DNA2: variants seen among roughly 807,000 people sequenced by gnomAD.
DNA2 encodes the protein DNA replication helicase/nuclease 2, also known as DNA replication ATP-dependent helicase/nuclease DNA2.
In DNA2, 101 loss-of-function variants were observed where a neutral mutation model predicts 119.1. The ratio of observed to expected loss-of-function variants is 0.85; its 90% CI spans 0.72 to 1.00. The LOEUF is 1.00. DNA2 is among the 50% of genes least tolerant of loss of function. The pLI, the probability that DNA2 is intolerant of heterozygous loss-of-function variation, is 0.00. For synonymous variants in DNA2, 366 were observed against 424.4 expected (o/e 0.86, Z 1.69); for missense variants, 1,121 against 1,255.5 (o/e 0.89, Z 1.62).
intron 18 of DNA2, 134 bp downstream of exon 18, chr10:68,419,665 CAAAA>C: frequency 1.6e-6 from 1 of 631,042 alleles, no homozygotes; most frequent in Non-Finnish European, 2.7e-6. Flanking sequence ...TACATTTTCT[CAAAA>C]TAAAAACAAT....
chr10:68,444,582 G>A (rs1043262279), intron 8 of DNA2, among the ~76,000 whole-genome samples: 2 of 151,594 alleles, frequency 1.3e-5, no homozygotes, highest in African/African-American at 4.8e-5. Context: ...AAATTAGCCG[G>A]GAATGGTAGC....
At chr10:68,471,986 AG>A (rs761147985), upstream of DNA2, 132 of 1,611,496 alleles carry the variant, frequency 8.2e-5, no homozygotes, top group South Asian at 1.4e-3. Flanking sequence ...GCCAACCCGC[AG>A]ATGTCCCAAA....
chr10:68,461,080 AAG>A (rs1012634933), intron 4 of DNA2, among the ~76,000 whole-genome samples: 3 of 152,164 alleles, frequency 2.0e-5, no homozygotes, highest in Non-Finnish European at 4.4e-5. Flanking sequence ...AGAAATGTAA[AAG>A]AGAAAAAAGG....
At chr10:68,424,773 C>A in intron 14 of DNA2, 1 of 1,356,986 alleles carries the variant, frequency 7.4e-7, no homozygotes. Context: ...CAAGGTAGTC[C>A]AGGTGTACAG....
intron 5 of DNA2, among the ~76,000 whole-genome samples, chr10:68,457,421 A>G (rs982203971): frequency 3.3e-5 from 5 of 152,042 alleles, no homozygotes; most frequent in Non-Finnish European, 5.9e-5. Flanking sequence ...CTCAAATGCT[A>G]CCTTATGAGG....
At chr10:68,448,980 TGTGTGTA>T (rs2052081819) in intron 6 of DNA2, among the ~76,000 whole-genome samples, 1 of 142,110 alleles carries the variant, frequency 7.0e-6, no homozygotes. Flanking sequence ...TGTGTGTGTG[TGTGTGTA>T]GTAGTTTCAC....
intron 3 of DNA2, among the ~76,000 whole-genome samples, chr10:68,467,757 A>G (rs988249565): frequency 6.6e-6 from 1 of 152,154 alleles, no homozygotes; most frequent in Non-Finnish European, 1.5e-5. Context: ...CAGTTTGCAC[A>G]TTTATTTTTA....
At chr10:68,427,307 G>A (rs918475822) in intron 14 of DNA2, among the ~76,000 whole-genome samples, 15 of 151,536 alleles carry the variant, frequency 9.9e-5, no homozygotes, top group African/African-American at 2.9e-4. Context: ...GCAGTAAGCC[G>A]AGTTCACACC....
chr10:68,444,207 T>C (rs1472449987), intron 8 of DNA2, among the ~76,000 whole-genome samples: 2 of 151,474 alleles, frequency 1.3e-5, no homozygotes, highest in African/African-American at 2.4e-5. Context: ...CTGGCCAACA[T>C]GGTGAAACCC....
intron 14 of DNA2, among the ~76,000 whole-genome samples, chr10:68,428,231 G>T (rs2051769106): frequency 6.6e-6 from 1 of 151,860 alleles, no homozygotes; most frequent in Non-Finnish European, 1.5e-5. Context: ...GGAGGCTGAG[G>T]CAGGAGAATG....
intron 1 of DNA2, 93 bp from the exon 2 acceptor site, chr10:68,470,256 T>C: frequency 8.7e-7 from 1 of 1,154,072 alleles, no homozygotes; most frequent in Non-Finnish European, 1.2e-6. Flanking sequence ...TCCAGTTTTC[T>C]AGGTTTCTTT....
intron 9 of DNA2, among the ~76,000 whole-genome samples, chr10:68,439,838 CAAAAA>C (rs371354812): frequency 0.046 from 5,607 of 122,734 alleles, 146 homozygotes; most frequent in Middle Eastern, 0.099. Flanking sequence ...AATTCTGTCT[CAAAAA>C]AAAAAAAAAA....
chr10:68,436,949 A>C (rs1309449588), intron 10 of DNA2, 62 bp downstream of exon 10: 4 of 1,283,178 alleles, frequency 3.1e-6, no homozygotes, highest in Non-Finnish European at 4.4e-6. Context: ...AAATGGATGA[A>C]CTACACAGAT....
intron 10 of DNA2, 170 bp downstream of exon 10, chr10:68,436,841 G>T: frequency 1.7e-6 from 1 of 577,106 alleles, no homozygotes; most frequent in South Asian, 2.4e-5. Flanking sequence ...TTCTTCCTTG[G>T]GAGTTTCTTT....
intron 5 of DNA2, among the ~76,000 whole-genome samples, chr10:68,453,430 A>G (rs2052145228): frequency 6.6e-6 from 1 of 152,180 alleles, no homozygotes; most frequent in Non-Finnish European, 1.5e-5. Context: ...TTTCTAAGAT[A>G]CTGATCCTTT....
intron 1 of DNA2, 57 bp downstream of exon 1, chr10:68,471,734 C>G: frequency 1.3e-6 from 2 of 1,503,156 alleles, no homozygotes; most frequent in East Asian, 4.8e-5. Context: ...CAGCCTCTCC[C>G]GCTCCTTCTT....
Position 68,422,893 on chromosome 10 carries a change from AAAAACAAGG to A in DNA2, c.2209-12_2209-4del, listed in dbSNP as rs2133363015. 1.9e-6 allele frequency: 3 copies of A among 1,552,038 alleles called. No homozygotes were observed. Among genetic ancestry groups the A allele is most frequent in the Non-Finnish European group, 2.6e-6 (3 of 1,151,098 alleles). On this transcript the variant is annotated splice_region_variant and splice_polypyrimidine_tract_variant and intron_variant, in intron 14 of 20. Coordinates refer to ENST00000358410, the MANE Select transcript of DNA2 (RefSeq NM_001080449.3). ...ATACATGTTGTTGCAACTATAAGCT[AAAAACAAGG>A]AAAACAGATCAGTTATTTAACATGT...
rs773480400 is a variant in DNA2 at position 68,446,379 on chromosome 10, C to A, written c.974G>T (p.Arg325Ile). ...AAGCAAGCCAGCCTCTGGATCAGCT[C>A]TTCTCTCTTGGCTTAGTAGAGTGTA... ...VLYTLLSQER[R>I]ADPEAGLLLY... Residue 325 changes from arginine (R) to isoleucine (I), a missense_variant, in exon 7 of 21, where the codon AGA (arginine) becomes ATA (isoleucine). Transcript: ENST00000358410. 5 of 1,595,248 alleles carry A rather than the reference C, an allele frequency of 3.1e-6. No homozygotes were observed. The highest frequency in any genetic ancestry group is 4.3e-6 in the Non-Finnish European group (5 of 1,170,366).
At position 68,422,504 on chromosome 10, in the gene DNA2, G is replaced by A. The variant is rs1262408922; in HGVS notation, c.2492+11C>T. On this transcript the variant is annotated intron_variant, in intron 16 of 20. Coordinates refer to ENST00000358410, the MANE Select transcript of DNA2 (RefSeq NM_001080449.3). ...ATGAAAACCACTCCTAGCTAACACT[G>A]TTACAAATACCTGTTCATTCTGTAC... is the stretch of plus-strand genomic sequence containing the variant. 4 of 1,613,362 alleles carry A rather than the reference G, an allele frequency of 2.5e-6. No individual in the cohort carries two copies. In the African/African-American group the frequency reaches 4.0e-5, roughly 16 times the overall value.
Sources: allele counts gnomAD v4.1 joint callset (sites outside exome capture counted in the v4.1 genomes callset), GRCh38; gene constraint gnomAD v4.1.1; transcripts MANE v1.5; gene names NCBI Gene and HGNC (gene_info 2026-07-23, HGNC 2026-07-21).